The following CMTR1 variants were observed in gnomAD, a reference collection of about 807,000 sequenced individuals.
CMTR1 encodes the protein cap methyltransferase 1, also known as cap-specific mRNA (nucleoside-2'-O-)-methyltransferase 1.
A neutral mutation model predicts 107.0 loss-of-function variants in CMTR1; 39 were observed. The observed-to-expected ratio is 0.36, with a 90% CI of 0.28 to 0.48. The LOEUF is 0.48. Ranked by LOEUF, CMTR1 falls within the 20% of genes least tolerant of loss-of-function variation. The probability of loss-of-function intolerance (pLI) is 0.99; values close to 1 mark genes in which losing one functional copy is unlikely to be tolerated. For missense variants in CMTR1, 672 were observed against 1,064.9 expected (o/e 0.63, Z 5.14); for synonymous variants, 366 against 379.5 (o/e 0.96, Z 0.41).
chr6:37,474,305 G>C (rs143552918), intron 17 of CMTR1, among the ~76,000 whole-genome samples: 3 of 152,188 alleles, frequency 2.0e-5, no homozygotes, highest in African/African-American at 4.8e-5. Context: ...CCGTTCCAAG[G>C]CTGAGCCAGA....
intron 17 of CMTR1, among the ~76,000 whole-genome samples, chr6:37,474,177 C>T (rs1243191205): frequency 2.6e-5 from 4 of 152,190 alleles, no homozygotes; most frequent in African/African-American, 4.8e-5. Context: ...ATTTTACTTA[C>T]TCTCTCCTTC....
chr6:37,448,335 T>C (rs1771852606), intron 4 of CMTR1, among the ~76,000 whole-genome samples: 1 of 152,030 alleles, frequency 6.6e-6, no homozygotes, highest in African/African-American at 2.4e-5. Flanking sequence ...GCTCAGTGGC[T>C]ACTGCAGCCT....
chr6:37,453,049 C>T lies in CMTR1; in HGVS notation c.612C>T (p.Ser204=), dbSNP rs769272883. ...ELLHSVLQCK[S]VFDVLDGEEM... Reference sequence around the variant, plus strand: ...TGAGGTTCTGATTCTCTGGGCAGAGCGTGTTTGATGTCTTGGATGGGGAAG... The same window carrying T: ...TGAGGTTCTGATTCTCTGGGCAGAGTGTGTTTGATGTCTTGGATGGGGAAG... The change falls in exon 7 of 24, where the codon AGC becomes AGT. Residue 204 remains serine (S), a splice_region_variant and synonymous_variant. Coordinates refer to ENST00000373451, the MANE Select transcript of CMTR1 (RefSeq NM_015050.3). The T allele has an allele frequency of 1.5e-5, 24 of 1,613,754 alleles. No homozygotes were observed. The highest frequency in any genetic ancestry group is 1.6e-4 in the Middle Eastern group (1 of 6,074).
chr6:37,428,048 GAGAGAGAGA>G, the CMTR1 span, among the ~76,000 whole-genome samples: 3 of 133,278 alleles, frequency 2.3e-5, no homozygotes, highest in Admixed American at 7.2e-5. Context: ...GAGAGAGAGA[GAGAGAGAGA>G]GAGAAACTCT....
chr6:37,476,034 TCTC>T (rs1248916266), intron 19 of CMTR1, 89 bp from the exon 20 acceptor site: 23 of 1,227,658 alleles, frequency 1.9e-5, no homozygotes, highest in African/African-American at 1.0e-4. Context: ...TTCAGAAGGT[TCTC>T]CTACTGGAGC....
At chr6:37,465,781 C>T (rs552401739) in intron 13 of CMTR1, among the ~76,000 whole-genome samples, 1 of 152,146 alleles carries the variant, frequency 6.6e-6, no homozygotes. Context: ...AGGCATGAGC[C>T]ACCATGTCTG....
intron 1 of CMTR1, among the ~76,000 whole-genome samples, chr6:37,435,320 CTTTA>C (rs1356969280): frequency 8.5e-5 from 13 of 152,212 alleles, no homozygotes. Context: ...GGTACCAAGG[CTTTA>C]TCCCCCAGTG....
chr6:37,439,874 T>C (rs1771630736), intron 2 of CMTR1, among the ~76,000 whole-genome samples: 1 of 152,184 alleles, frequency 6.6e-6, no homozygotes, highest in Non-Finnish European at 1.5e-5. Flanking sequence ...CATGAACTCT[T>C]GAGCTCAGGT....
chr6:37,426,007 CATT>C, the CMTR1 span, among the ~76,000 whole-genome samples: 1 of 152,144 alleles, frequency 6.6e-6, no homozygotes, highest in Non-Finnish European at 1.5e-5. Context: ...CAATAATTAA[CATT>C]GTCCTATCTT....
intron 2 of CMTR1, among the ~76,000 whole-genome samples, chr6:37,442,815 G>A (rs1045434329): frequency 2.6e-5 from 4 of 152,120 alleles, no homozygotes; most frequent in South Asian, 2.1e-4. Flanking sequence ...TGACCACCTC[G>A]GGTCTATTAA....
upstream of CMTR1, among the ~76,000 whole-genome samples, chr6:37,432,543 A>G (rs145119338): frequency 3.9e-5 from 6 of 152,312 alleles, no homozygotes; most frequent in African/African-American, 1.4e-4. Flanking sequence ...AATTAAGTGT[A>G]TGAGAAACTT....
intron 5 of CMTR1, among the ~76,000 whole-genome samples, chr6:37,451,353 C>T (rs1761168304): frequency 6.6e-6 from 1 of 152,144 alleles, no homozygotes; most frequent in South Asian, 2.1e-4. Flanking sequence ...CCCTGTGAGA[C>T]CCCTTAGCGT....
At chr6:37,465,079 G>A (rs1232290556) in intron 13 of CMTR1, among the ~76,000 whole-genome samples, 1 of 152,054 alleles carries the variant, frequency 6.6e-6, no homozygotes, top group Non-Finnish European at 1.5e-5. Context: ...GACCAGCCTG[G>A]CCAACATGGT....
At chr6:37,433,679 G>A (rs749124816) in intron 1 of CMTR1, among the ~76,000 whole-genome samples, 1 of 152,246 alleles carries the variant, frequency 6.6e-6, no homozygotes, top group Non-Finnish European at 1.5e-5. Flanking sequence ...GTGCCAAACC[G>A]AGGCCCAGGG....
intron 13 of CMTR1, among the ~76,000 whole-genome samples, chr6:37,468,798 A>G (rs889344991): frequency 5.9e-5 from 9 of 152,188 alleles, no homozygotes; most frequent in Non-Finnish European, 1.0e-4. Context: ...CAGAAGAATC[A>G]CTTGAACCTG....
At chr6:37,424,399 C>T in the CMTR1 span, among the ~76,000 whole-genome samples, 2 of 151,626 alleles carry the variant, frequency 1.3e-5, no homozygotes, top group African/African-American at 2.4e-5. Context: ...CCCGCCACCT[C>T]GCCTGGTTAA....
chr6:37,449,402 G>A (rs1053106052), intron 4 of CMTR1, among the ~76,000 whole-genome samples: 4 of 152,258 alleles, frequency 2.6e-5, no homozygotes, highest in South Asian at 2.1e-4. Flanking sequence ...TCTACCTTCC[G>A]GATTCAAGGG....
At position 37,451,802 on chromosome 6, in the gene CMTR1, G is replaced by A; in HGVS notation, c.538-4G>A. On this transcript the variant is annotated splice_region_variant and splice_polypyrimidine_tract_variant and intron_variant, in intron 5 of 23. Transcript: ENST00000373451. ...CATTACTTACTGCTTTTTTCTCCCT[G>A]TAGAGAAAGATGATTATTGAAGATG... The A allele has an allele frequency of 6.2e-7, 1 of 1,611,122 alleles. No homozygotes were observed. Among genetic ancestry groups the A allele is most frequent in the Non-Finnish European group, 8.5e-7 (1 of 1,177,670 alleles).
chr6:37,473,437 C>A (rs747296432), intron 16 of CMTR1, 33 bp from the exon 17 acceptor site: 26 of 1,602,632 alleles, frequency 1.6e-5, no homozygotes, highest in African/African-American at 2.7e-5. Context: ...CTTCCCCCAA[C>A]CCGGCAGTGT....
Sources: allele counts gnomAD v4.1 joint callset (sites outside exome capture counted in the v4.1 genomes callset), GRCh38; gene constraint gnomAD v4.1.1; transcripts MANE v1.5; gene names NCBI Gene and HGNC (gene_info 2026-07-23, HGNC 2026-07-21).